Variants in CERS3 observed in about 807,000 individuals in gnomAD.
CERS3 encodes the protein ceramide synthase 3, also known as LAG1 homolog, ceramide synthase 3.
A neutral mutation model predicts 50.3 loss-of-function variants in CERS3; 33 were observed. The ratio of observed to expected loss-of-function variants is 0.66; its 90% CI spans 0.50 to 0.88. The LOEUF (loss-of-function observed/expected upper bound fraction) is 0.88, where lower values mean the gene tolerates loss of function less well. Ranked by LOEUF, CERS3 falls within the 40% of genes least tolerant of loss-of-function variation. The probability of loss-of-function intolerance (pLI) is 0.00; values close to 1 mark genes in which losing one functional copy is unlikely to be tolerated. For synonymous variants in CERS3, 176 were observed against 155.2 expected (o/e 1.13, Z -0.99); for missense variants, 470 against 460.3 (o/e 1.02, Z -0.19).
chr15:100,518,503 C>G (rs1567678750), intron 2 of CERS3, among the ~76,000 whole-genome samples: 1 of 152,172 alleles, frequency 6.6e-6, no homozygotes, highest in South Asian at 2.1e-4. Flanking sequence ...AAGTCTTGGG[C>G]ATATTGTTTG....
upstream of CERS3, among the ~76,000 whole-genome samples, chr15:100,529,803 C>T (rs1485565105): frequency 4.6e-5 from 7 of 152,152 alleles, no homozygotes; most frequent in Admixed American, 2.0e-4. Flanking sequence ...TCAGCAGTAC[C>T]GCCCACACTG....
intron 2 of CERS3, among the ~76,000 whole-genome samples, chr15:100,511,030 C>G (rs952005829): frequency 2.0e-5 from 3 of 152,162 alleles, no homozygotes; most frequent in African/African-American, 7.2e-5. Context: ...ACTCACGCCT[C>G]TAATCCCAGC....
At chr15:100,403,620 T>A (rs192864669) in intron 11 of CERS3, among the ~76,000 whole-genome samples, 3 of 152,320 alleles carry the variant, frequency 2.0e-5, no homozygotes, top group Admixed American at 2.0e-4. Context: ...AACAACTCTA[T>A]GCATATACAT....
chr15:100,428,003 C>T (rs1229113043), intron 11 of CERS3, among the ~76,000 whole-genome samples: 1 of 152,180 alleles, frequency 6.6e-6, no homozygotes, highest in Non-Finnish European at 1.5e-5. Context: ...ACGGCCTCCC[C>T]TGGTGTGTCC....
At chr15:100,407,619 C>T (rs1455350148) in intron 11 of CERS3, among the ~76,000 whole-genome samples, 1 of 152,090 alleles carries the variant, frequency 6.6e-6, no homozygotes, top group Non-Finnish European at 1.5e-5. Context: ...TAAGACTATA[C>T]AGTTTGCCCT....
intron 3 of CERS3, among the ~76,000 whole-genome samples, chr15:100,493,068 C>CT (rs2035699904): frequency 6.6e-6 from 1 of 152,052 alleles, no homozygotes; most frequent in South Asian, 2.1e-4. Context: ...ATACAATTGC[C>CT]TTTTAAATCA....
At chr15:100,416,003 G>C (rs150677544) in intron 11 of CERS3, among the ~76,000 whole-genome samples, 53 of 151,942 alleles carry the variant, frequency 3.5e-4, no homozygotes, top group African/African-American at 1.2e-3. Flanking sequence ...AAAACAAATG[G>C]AAAAATGTTC....
At chr15:100,439,845 CA>C (rs1165872714) in intron 11 of CERS3, among the ~76,000 whole-genome samples, 1 of 152,200 alleles carries the variant, frequency 6.6e-6, no homozygotes, top group Non-Finnish European at 1.5e-5. Context: ...GGGGCCTCCA[CA>C]ACTCCTGTCA....
chr15:100,440,599 C>T (rs1056677397), intron 11 of CERS3, among the ~76,000 whole-genome samples: 3 of 152,222 alleles, frequency 2.0e-5, no homozygotes, highest in Admixed American at 6.5e-5. Flanking sequence ...TTCACACGGA[C>T]GTGCGTGAAA....
intron 1 of CERS3, among the ~76,000 whole-genome samples, chr15:100,536,499 G>C (rs1386017852): frequency 6.6e-6 from 1 of 152,132 alleles, no homozygotes; most frequent in Non-Finnish European, 1.5e-5. Context: ...TGCCCAGGCT[G>C]GTCTCGAATT....
intron 11 of CERS3, among the ~76,000 whole-genome samples, chr15:100,442,120 T>C (rs1470837271): frequency 6.6e-6 from 1 of 152,198 alleles, no homozygotes; most frequent in Non-Finnish European, 1.5e-5. Context: ...AAAGGCATAG[T>C]CAAGGTTAAC....
chr15:100,485,014 T>A (rs1202949807), intron 4 of CERS3, among the ~76,000 whole-genome samples: 1 of 152,166 alleles, frequency 6.6e-6, no homozygotes, highest in African/African-American at 2.4e-5. Flanking sequence ...ATAGTTTAAA[T>A]CAAATCCAAT....
chr15:100,520,787 G>A (rs1334432182), intron 2 of CERS3, among the ~76,000 whole-genome samples: 1 of 152,116 alleles, frequency 6.6e-6, no homozygotes, highest in Non-Finnish European at 1.5e-5. Context: ...GGCAGGGTGG[G>A]GAGGAGGGGA....
intron 11 of CERS3, among the ~76,000 whole-genome samples, chr15:100,450,416 C>CAAAAAAA (rs34873483): frequency 3.2e-5 from 2 of 63,420 alleles, no homozygotes; most frequent in African/African-American, 6.6e-5. Context: ...GACTCTGTCT[C>CAAAAAAA]AAAAAAAAAA....
intron 11 of CERS3, among the ~76,000 whole-genome samples, chr15:100,442,347 C>G (rs1435764246): frequency 1.3e-5 from 2 of 152,188 alleles, no homozygotes; most frequent in Non-Finnish European, 2.9e-5. Context: ...AATTCCGGCC[C>G]TTTAACCCCA....
At chr15:100,466,853 C>CTCTTTCTCTCTTTCTT (rs1555528103) in intron 10 of CERS3, among the ~76,000 whole-genome samples, 1 of 104,690 alleles carries the variant, frequency 9.6e-6, no homozygotes, top group East Asian at 2.9e-4. Flanking sequence ...CTCTCTTTCT[C>CTCTTTCTCTCTTTCTT]TCTTTCTTTC....
At chr15:100,497,896 C>CCT (rs1306094824) in intron 3 of CERS3, among the ~76,000 whole-genome samples, 1 of 63,600 alleles carries the variant, frequency 1.6e-5, no homozygotes, top group African/African-American at 5.3e-5. Context: ...CACACACACA[C>CCT]TTTTTTTTTT....
chr15:100,412,270 A>G (rs2031549430), intron 11 of CERS3, among the ~76,000 whole-genome samples: 1 of 152,092 alleles, frequency 6.6e-6, no homozygotes, highest in African/African-American at 2.4e-5. Context: ...GTCCAACTTC[A>G]TTCTTTTGCA....
intron 2 of CERS3, among the ~76,000 whole-genome samples, 173 bp from the exon 3 acceptor site, chr15:100,502,023 G>C (rs979166504): frequency 6.6e-6 from 1 of 152,010 alleles, no homozygotes; most frequent in African/African-American, 2.4e-5. Context: ...AAGGCGGGCG[G>C]ATCATGAGGT....
Sources: allele counts gnomAD v4.1 joint callset (sites outside exome capture counted in the v4.1 genomes callset), GRCh38; gene constraint gnomAD v4.1.1; transcripts MANE v1.5; gene names NCBI Gene and HGNC (gene_info 2026-07-23, HGNC 2026-07-21).